The following TNKS1BP1 variants were observed in gnomAD, a reference collection of about 807,000 sequenced individuals.
TNKS1BP1 encodes the protein CCR4-NOT transcription complex subunit 12, also known as 182 kDa tankyrase-1-binding protein.
In TNKS1BP1, 48 loss-of-function variants were observed where a neutral mutation model predicts 141.1. That is an observed-to-expected ratio of 0.34 (90% CI 0.27 to 0.43). The LOEUF (loss-of-function observed/expected upper bound fraction) is 0.43, where lower values mean the gene tolerates loss of function less well. Among genes scored for constraint, TNKS1BP1 ranks in the 20% least tolerant of loss-of-function variants. The probability of loss-of-function intolerance (pLI) is 1.00; values close to 1 mark genes in which losing one functional copy is unlikely to be tolerated. For synonymous variants in TNKS1BP1, 875 were observed against 898.2 expected, an observed-to-expected ratio of 0.97 and a Z score of 0.46; for missense variants, 2,149 against 2,226.0, an observed-to-expected ratio of 0.97 and a Z score of 0.70.
At chr11:57,315,600 C>G (rs533928768) in intron 4 of TNKS1BP1, among the ~76,000 whole-genome samples, 2 of 152,064 alleles carry the variant, frequency 1.3e-5, no homozygotes, top group Admixed American at 6.6e-5. Context: ...GGCACTCCCC[C>G]TGCCATTCAC....
Position 57,310,381 on chromosome 11 carries a change from T to G in TNKS1BP1, c.2330A>C (p.Lys777Thr), listed in dbSNP as rs150510361. 365 of 1,614,084 alleles carry G rather than the reference T, an allele frequency of 2.3e-4. No homozygotes were observed. The African/African-American group carries it at 3.9e-3, about 17-fold the overall frequency. The change falls in exon 6 of 12, where the codon AAG becomes ACG. Residue 777 changes from lysine to threonine, a missense_variant. By Grantham distance (78) the Lys-to-Thr change is moderately conservative. Transcript: ENST00000358252. ...CCCTTCCCCTGCTCCTTGCCCATACTTGCTGGTCCAGTCCCTCTCTCCGAG... is the reference window on the plus strand; with the variant it reads ...CCCTTCCCCTGCTCCTTGCCCATACGTGCTGGTCCAGTCCCTCTCTCCGAG... ...PGLGERDWTS[K>T]YGQGAGEGST...
At chr11:57,321,224 T>A (rs1855880945) in intron 2 of TNKS1BP1, among the ~76,000 whole-genome samples, 1 of 151,266 alleles carries the variant, frequency 6.6e-6, no homozygotes, top group African/African-American at 2.4e-5. Flanking sequence ...CACAGCACAC[T>A]CCCAGGCCAC....
chr11:57,310,160 A>T lies in TNKS1BP1; in HGVS notation c.2551T>A (p.Ser851Thr). The T allele has an allele frequency of 1.2e-6, 2 of 1,613,942 alleles. No individual in the cohort carries two copies. Among genetic ancestry groups the T allele is most frequent in the Non-Finnish European group, 1.7e-6 (2 of 1,179,978 alleles). Reference protein sequence around the residue: ...VQDWEFRKRDSQGTYSSRDAE... With the variant: ...VQDWEFRKRDTQGTYSSRDAE... Reference sequence around the variant, plus strand: ...TCCCGGCTGGAGTAAGTGCCCTGGGAATCCCTCTTTCTGAACTCCCAGTCC... The same window carrying T: ...TCCCGGCTGGAGTAAGTGCCCTGGGTATCCCTCTTTCTGAACTCCCAGTCC... Residue 851 changes from serine to threonine, a missense_variant, in exon 6 of 12, where the codon TCC (serine) becomes ACC (threonine). Ser to Thr is a moderately conservative substitution (Grantham distance 58). Coordinates refer to ENST00000358252, the MANE Select transcript of TNKS1BP1 (RefSeq NM_033396.3).
At chr11:57,319,814 G>A (rs946530069) in intron 3 of TNKS1BP1, among the ~76,000 whole-genome samples, 3 of 149,320 alleles carry the variant, frequency 2.0e-5, no homozygotes, top group Non-Finnish European at 4.4e-5. Context: ...CTTCTATACT[G>A]TACATTTGAA....
intron 9 of TNKS1BP1, among the ~76,000 whole-genome samples, chr11:57,301,296 T>C (rs966001416): frequency 6.6e-6 from 1 of 152,120 alleles, no homozygotes; most frequent in East Asian, 1.9e-4. Context: ...ACAAAGCCAG[T>C]GGTGACTTCC....
chr11:57,306,009 C>T (rs1343424105), intron 6 of TNKS1BP1, among the ~76,000 whole-genome samples: 4 of 151,228 alleles, frequency 2.6e-5, no homozygotes, highest in Non-Finnish European at 5.9e-5. Context: ...CATGGTGGCT[C>T]ATGCCTGTAA....
Position 57,315,792 on chromosome 11 carries a change from G to A in TNKS1BP1, c.799-1903C>T, listed in dbSNP as rs544202350. On this transcript the variant is annotated intron_variant, in intron 4 of 11. Transcript: ENST00000358252. ...CACACACCACCTACTTCCTGCATGG[G>A]AGCCCAAGCACTCTGCCTCCCCTTC... is the stretch of plus-strand genomic sequence containing the variant. Among the ~76,000 whole-genome samples the A allele has an allele frequency of 6.0e-5, 9 of 150,756 alleles. No individual in the cohort carries two copies. In the East Asian group the frequency reaches 9.8e-4, roughly 16 times the overall value.
chr11:57,320,439 C>A lies in TNKS1BP1; in HGVS notation c.368G>T (p.Gly123Val), dbSNP rs1185761876. ...ATQETGKEEA[G>V]KEEPPPLTPP... ...TGTCAAAGGGGGTGGCTCCTCTTTC[C>A]CAGCCTCCTCTTTCCCAGTCTCTTG... The change falls in exon 3 of 12, where the codon GGG becomes GTG. Residue 123 changes from glycine to valine, a missense_variant. Transcript: ENST00000358252. The A allele has an allele frequency of 3.1e-6, 5 of 1,608,094 alleles. No homozygotes were observed. In the East Asian group the frequency reaches 1.1e-4, roughly 36 times the overall value.
chr11:57,306,903 T>TGGGGGGGGGGGGTTGGGTG (rs796934603), intron 6 of TNKS1BP1, among the ~76,000 whole-genome samples: 1 of 70,216 alleles, frequency 1.4e-5, no homozygotes, highest in Non-Finnish European at 2.6e-5. Context: ...GCTGTGGTGG[T>TGGGGGGGGGGGGTTGGGTG]GGGGGGGGGG....
chr11:57,301,496 G>T (rs998600531), intron 9 of TNKS1BP1, among the ~76,000 whole-genome samples: 2 of 152,146 alleles, frequency 1.3e-5, no homozygotes, highest in Admixed American at 1.3e-4. Context: ...GCCCTTATCT[G>T]TGCCTCTCCT....
At chr11:57,316,127 C>T (rs568826221) in intron 4 of TNKS1BP1, among the ~76,000 whole-genome samples, 3 of 152,338 alleles carry the variant, frequency 2.0e-5, no homozygotes, top group African/African-American at 2.4e-5. Context: ...TAACTACTCT[C>T]GTCAAGGTCA....
intron 6 of TNKS1BP1, among the ~76,000 whole-genome samples, chr11:57,305,914 C>T (rs1455163885): frequency 6.6e-6 from 1 of 152,166 alleles, no homozygotes; most frequent in Non-Finnish European, 1.5e-5. Context: ...GAGCCAGACC[C>T]CTCTGAGCTA....
intron 6 of TNKS1BP1, among the ~76,000 whole-genome samples, chr11:57,303,964 C>T (rs35388927): frequency 0.035 from 5,400 of 152,210 alleles, 149 homozygotes; most frequent in Non-Finnish European, 0.047. Context: ...AGCGGCCACT[C>T]CCCAAAATGA....
At chr11:57,300,781 T>G in intron 10 of TNKS1BP1, 103 bp downstream of exon 10, 1 of 1,532,546 alleles carries the variant, frequency 6.5e-7, no homozygotes. Flanking sequence ...CGACTGAGGT[T>G]CCTCTTTGAG....
At chr11:57,320,011 G>GCCCCCCCCCCAAAACCCCCCCCCCAACCC in intron 3 of TNKS1BP1, 68 bp downstream of exon 3, 1 of 1,296,684 alleles carries the variant, frequency 7.7e-7, no homozygotes, top group Non-Finnish European at 1.1e-6. Context: ...TTGGTCCCCA[G>GCCCCCCCCCCAAAACCCCCCCCCCAACCC]CCCCCACCCA....
rs1565043254 is a variant in TNKS1BP1 at position 57,312,908 on chromosome 11, CCTGCGA to C, written c.1774_1779del (p.Ser592_Gln593del). On this transcript the variant is annotated inframe_deletion, in exon 5 of 12. Coordinates refer to ENST00000358252, the MANE Select transcript of TNKS1BP1 (RefSeq NM_033396.3). ...GGGGACTCCTGTCCAGCCAAGGGCT[CCTGCGA>C]CTCGTATCTCTCCTCTGCCTGCTGC... 1 of 1,610,462 alleles carries C rather than the reference CCTGCGA, an allele frequency of 6.2e-7. No homozygotes were observed. The highest frequency in any genetic ancestry group is 1.7e-5 in the Admixed American group (1 of 59,876).
intron 8 of TNKS1BP1, 34 bp from the exon 9 acceptor site, chr11:57,301,977 C>T: frequency 6.2e-6 from 10 of 1,610,432 alleles, no homozygotes; most frequent in Non-Finnish European, 7.6e-6. Context: ...TCAGAAAAGG[C>T]AGCACACCCA....
At position 57,306,893 on chromosome 11, in the gene TNKS1BP1, G is replaced by A. The variant is rs1047667140; in HGVS notation, c.4316+1502C>T. ...CCCACACAGAACGGAAAGGCAGAGA[G>A]CTGTGGTGGTGGGGGGGGGGGTTGG... is the stretch of plus-strand genomic sequence containing the variant. On this transcript the variant is annotated intron_variant, in intron 6 of 11. Coordinates refer to ENST00000358252, the MANE Select transcript of TNKS1BP1 (RefSeq NM_033396.3). Among the ~76,000 whole-genome samples the A allele has an allele frequency of 7.5e-3, 920 of 122,346 alleles. 15 individuals carry two copies. The highest frequency in any genetic ancestry group is 0.031 in the Middle Eastern group (7 of 226). The allele number at this position is 122,346 out of a possible 152,430, so 80.3% of individuals were successfully genotyped here. A position where few individuals can be genotyped will look rare whatever the true frequency, so the allele number is the denominator to read the frequency against.
At position 57,310,275 on chromosome 11, in the gene TNKS1BP1, C is replaced by T. The variant is rs180916154; in HGVS notation, c.2436G>A (p.Val812=). The part of the protein sequence containing the change: ...EASSSQDQSK[V]SAPGVLTAQD... ...GGGCTGTGAGCACCCCTGGGGCAGA[C>T]ACTTTACTCTGGTCTTGGCTGCTGC... Residue 812 remains valine, a synonymous_variant, in exon 6 of 12, where the codon GTG becomes GTA. Transcript: ENST00000358252. 1.2e-6 allele frequency: 2 copies of T among 1,614,076 alleles called. No homozygotes were observed. The highest frequency in any genetic ancestry group is 3.3e-5 in the Admixed American group (2 of 60,022).
Sources: gnomAD v4.1 joint callset for allele counts (sites outside exome capture counted in the v4.1 genomes callset) on GRCh38, gnomAD v4.1.1 for gene constraint, MANE v1.5 for transcripts, NCBI Gene and HGNC (gene_info 2026-07-23, HGNC 2026-07-21) for gene names.